Variants in OPCML observed in about 807,000 individuals in gnomAD.
OPCML encodes opioid binding protein/cell adhesion molecule like.
Under a neutral mutation model 37.8 loss-of-function variants are expected in OPCML, and 13 were observed. That is an observed-to-expected ratio of 0.34 (90% CI 0.22 to 0.55). The LOEUF (loss-of-function observed/expected upper bound fraction) is 0.55, where lower values mean the gene tolerates loss of function less well. Among genes scored for constraint, OPCML ranks in the 20% least tolerant of loss-of-function variants. OPCML has a pLI of 0.91. For synonymous variants in OPCML, 176 were observed against 168.8 expected, an observed-to-expected ratio of 1.04 and a Z score of -0.33; for missense variants, 341 against 435.6, an observed-to-expected ratio of 0.78 and a Z score of 1.93.
intron 1 of OPCML, among the ~76,000 whole-genome samples, chr11:133,406,132 ATTG>A (rs1421497487): frequency 6.6e-6 from 1 of 152,128 alleles, no homozygotes; most frequent in Non-Finnish European, 1.5e-5. Flanking sequence ...TATTATGATT[ATTG>A]TTATGATCTA....
intron 1 of OPCML, among the ~76,000 whole-genome samples, chr11:133,107,788 T>C (rs1949184125): frequency 6.6e-6 from 1 of 151,394 alleles, no homozygotes. Context: ...ACACTGAAGA[T>C]TGGAATCTAC....
chr11:133,144,161 G>A (rs1383701990), intron 1 of OPCML, among the ~76,000 whole-genome samples: 2 of 152,292 alleles, frequency 1.3e-5, no homozygotes, highest in East Asian at 3.9e-4. Flanking sequence ...GAATGCTTCA[G>A]TCACTAGAAA....
At chr11:132,505,537 CAT>C (rs886892687) in intron 4 of OPCML, among the ~76,000 whole-genome samples, 1 of 152,124 alleles carries the variant, frequency 6.6e-6, no homozygotes, top group Non-Finnish European at 1.5e-5. Flanking sequence ...AAAAGAATGA[CAT>C]AGACCAGAGC....
At chr11:132,905,895 A>G (rs903166232) in intron 2 of OPCML, among the ~76,000 whole-genome samples, 2 of 152,216 alleles carry the variant, frequency 1.3e-5, no homozygotes, top group Non-Finnish European at 2.9e-5. Context: ...TATATAGCCA[A>G]TGTTCAATAA....
rs562056846 is a variant in OPCML at position 132,552,763 on chromosome 11, C to CTTTTTTTTTT, written c.380-23587_380-23578dup. On this transcript the variant is annotated intron_variant, in intron 3 of 7. Coordinates refer to ENST00000524381, the MANE Select transcript of OPCML (RefSeq NM_001012393.5). ...TAGTCAAACTAAATTAAACACTACT[C>CTTTTTTTTTT]TTTTTTTTTTTTTTTTGAGACCGAG... is the stretch of plus-strand genomic sequence containing the variant. Among the ~76,000 whole-genome samples the CTTTTTTTTTT allele has an allele frequency of 9.4e-3, 869 of 92,726 alleles. 236 individuals carry two copies. Among genetic ancestry groups the CTTTTTTTTTT allele is most frequent in the African/African-American group, 0.045 (801 of 17,790 alleles). The allele number at this position is 92,726 out of a possible 152,430, so 60.8% of individuals were successfully genotyped here.
At chr11:132,992,276 T>C (rs879299727) in intron 1 of OPCML, among the ~76,000 whole-genome samples, 14 of 152,036 alleles carry the variant, frequency 9.2e-5, no homozygotes, top group African/African-American at 3.1e-4. Context: ...TACACACACA[T>C]ACACACTCAC....
chr11:133,321,733 G>A (rs1051236841), intron 1 of OPCML, among the ~76,000 whole-genome samples: 1 of 152,100 alleles, frequency 6.6e-6, no homozygotes, highest in Non-Finnish European at 1.5e-5. Flanking sequence ...CCCTACTTTA[G>A]TTGAAATATA....
intron 1 of OPCML, chr11:133,008,787 G>T: frequency 3.4e-6 from 2 of 592,632 alleles, no homozygotes; most frequent in Non-Finnish European, 4.2e-6. Context: ...TCCACTTCCT[G>T]TTCATAGGTG....
At chr11:133,337,296 G>C (rs1475217682) in intron 1 of OPCML, among the ~76,000 whole-genome samples, 1 of 152,144 alleles carries the variant, frequency 6.6e-6, no homozygotes, top group Non-Finnish European at 1.5e-5. Flanking sequence ...GACTCCCTTA[G>C]TCTCTAAATA....
chr11:132,503,442 T>G (rs186952159), intron 4 of OPCML, among the ~76,000 whole-genome samples: 67 of 152,288 alleles, frequency 4.4e-4, no homozygotes, highest in African/African-American at 1.6e-3. Flanking sequence ...TCCCCACTAT[T>G]GCATTTGGTG....
chr11:132,570,804 T>TTAG (rs1271040683), intron 3 of OPCML, among the ~76,000 whole-genome samples: 1 of 90,760 alleles, frequency 1.1e-5, no homozygotes, highest in African/African-American at 5.0e-5. Flanking sequence ...TATATATATT[T>TTAG]AGAGAGAGAG....
intron 4 of OPCML, among the ~76,000 whole-genome samples, chr11:132,501,449 T>C (rs1592273646): frequency 6.6e-6 from 1 of 152,210 alleles, no homozygotes; most frequent in South Asian, 2.1e-4. Flanking sequence ...TGTACTTCAA[T>C]GGCAAAATTT....
intron 1 of OPCML, chr11:133,004,018 C>G (rs190865839): frequency 2.0e-6 from 2 of 985,290 alleles, no homozygotes; most frequent in South Asian, 4.7e-5. Flanking sequence ...CGTCTCTCAC[C>G]GCTCTGGAGT....
intron 1 of OPCML, among the ~76,000 whole-genome samples, chr11:133,397,349 C>T (rs891754904): frequency 4.6e-5 from 7 of 152,194 alleles, no homozygotes; most frequent in African/African-American, 1.7e-4. Context: ...AGATGCCACT[C>T]TATACTTCAA....
At chr11:132,525,794 A>C (rs1277357014) in intron 4 of OPCML, 1 of 152,202 alleles carries the variant, frequency 6.6e-6, no homozygotes, top group African/African-American at 2.4e-5. Context: ...GGTTTGCTGC[A>C]CCCATCAACC....
chr11:133,269,503 C>T (rs1167710162), intron 1 of OPCML, among the ~76,000 whole-genome samples: 1 of 152,226 alleles, frequency 6.6e-6, no homozygotes, highest in Non-Finnish European at 1.5e-5. Flanking sequence ...CAGATTTTCA[C>T]ATTGACATAG....
intron 2 of OPCML, among the ~76,000 whole-genome samples, chr11:132,757,634 T>G (rs1946101840): frequency 6.6e-6 from 1 of 152,210 alleles, no homozygotes; most frequent in African/African-American, 2.4e-5. Context: ...CTTTGCCCAC[T>G]TTTTGATGTT....
At chr11:132,788,086 G>T (rs1337446662) in intron 2 of OPCML, among the ~76,000 whole-genome samples, 2 of 152,084 alleles carry the variant, frequency 1.3e-5, no homozygotes, top group African/African-American at 4.8e-5. Flanking sequence ...TCACCATGTT[G>T]GCCAGGATGA....
intron 4 of OPCML, among the ~76,000 whole-genome samples, chr11:132,463,648 G>A (rs1225495545): frequency 6.6e-6 from 1 of 152,234 alleles, no homozygotes; most frequent in Non-Finnish European, 1.5e-5. Flanking sequence ...TATCTCCTGA[G>A]CCATTTGACC....
Sources: gnomAD v4.1 joint callset for allele counts (sites outside exome capture counted in the v4.1 genomes callset) on GRCh38, gnomAD v4.1.1 for gene constraint, MANE v1.5 for transcripts, NCBI Gene and HGNC (gene_info 2026-07-23, HGNC 2026-07-21) for gene names.